Variants in RBFOX1 observed in about 807,000 individuals in gnomAD.
The protein encoded by RBFOX1 is RNA binding protein fox-1 homolog 1.
RBFOX1 carries 8 observed loss-of-function variants against 57.7 expected under a neutral mutation model. The ratio of observed to expected loss-of-function variants is 0.14; its 90% CI spans 0.08 to 0.25. RBFOX1 has a LOEUF of 0.25. Among genes scored for constraint, RBFOX1 ranks in the 10% least tolerant of loss-of-function variants. RBFOX1 has a pLI of 1.00. For missense variants in RBFOX1, 611 were observed against 548.5 expected (o/e 1.11, Z -1.14); for synonymous variants, 326 against 222.4 (o/e 1.47, Z -4.15).
intron 4 of RBFOX1, among the ~76,000 whole-genome samples, chr16:7,506,664 A>G (rs533899726): frequency 2.6e-4 from 40 of 152,282 alleles, no homozygotes; most frequent in South Asian, 1.7e-3. Flanking sequence ...GAATTCTTCA[A>G]TAAGACTCAT....
At chr16:6,938,855 C>T (rs934178551) in intron 3 of RBFOX1, among the ~76,000 whole-genome samples, 1 of 152,128 alleles carries the variant, frequency 6.6e-6, no homozygotes, top group African/African-American at 2.4e-5. Flanking sequence ...TCACTTGAAC[C>T]TGAGAGGCAG....
chr16:5,324,355 C>T (rs1201254580), intron 1 of RBFOX1, among the ~76,000 whole-genome samples: 1 of 152,126 alleles, frequency 6.6e-6, no homozygotes, highest in African/African-American at 2.4e-5. Flanking sequence ...CCCAGCTACT[C>T]AGGAGGCTGA....
intron 4 of RBFOX1, chr16:7,510,234 T>G (rs1367259545): frequency 3.0e-6 from 3 of 985,880 alleles, no homozygotes; most frequent in Non-Finnish European, 3.6e-6. Context: ...GAGGCGTGCT[T>G]GGGGCAGATG....
intron 3 of RBFOX1, among the ~76,000 whole-genome samples, chr16:5,643,815 C>T (rs2048959891): frequency 6.6e-6 from 1 of 152,158 alleles, no homozygotes; most frequent in Non-Finnish European, 1.5e-5. Flanking sequence ...ACAAGCTAAG[C>T]CAATAATGTG....
intron 3 of RBFOX1, among the ~76,000 whole-genome samples, chr16:6,893,955 A>T (rs1036707056): frequency 6.6e-6 from 1 of 152,210 alleles, no homozygotes; most frequent in African/African-American, 2.4e-5. Context: ...CATGATAATT[A>T]ACCAAGTGCT....
At position 6,747,441 on chromosome 16, in the gene RBFOX1, A is replaced by T. The variant is rs1042884932; in HGVS notation, c.-16+92791A>T. ...AAAAAAATCTATCAGTCAGTCAGTC[A>T]GTTAGTCTGTCTGTCTGTCTGTCTG... On this transcript the variant is annotated intron_variant, in intron 3 of 15. Transcript: ENST00000550418. Among the ~76,000 whole-genome samples the T allele has an allele frequency of 5.0e-5, 5 of 100,938 alleles. No homozygotes were observed. The East Asian group carries it at 9.4e-4, about 19-fold the overall frequency. The allele number at this position is 100,938 out of a possible 152,430, so 66.2% of individuals were successfully genotyped here.
intron 4 of RBFOX1, among the ~76,000 whole-genome samples, chr16:7,393,537 G>A (rs551455604): frequency 1.6e-4 from 24 of 152,258 alleles, no homozygotes; most frequent in African/African-American, 5.8e-4. Flanking sequence ...GGGTGCAAGT[G>A]GTGAATTGAA....
intron 3 of RBFOX1, among the ~76,000 whole-genome samples, chr16:6,888,546 T>C (rs938962437): frequency 6.6e-6 from 1 of 152,152 alleles, no homozygotes; most frequent in Admixed American, 6.5e-5. Context: ...ACATTGTTTT[T>C]ACTTGCTGTT....
chr16:6,636,430 A>G (rs1353012523), intron 2 of RBFOX1, among the ~76,000 whole-genome samples: 1 of 152,080 alleles, frequency 6.6e-6, no homozygotes, highest in Non-Finnish European at 1.5e-5. Context: ...TCGGCCTCCC[A>G]AAGTGCTGGG....
At chr16:5,538,981 G>C (rs1369596027) in intron 2 of RBFOX1, among the ~76,000 whole-genome samples, 5 of 152,126 alleles carry the variant, frequency 3.3e-5, no homozygotes, top group African/African-American at 9.7e-5. Flanking sequence ...ACCCATAGCA[G>C]CACGGCTCCC....
At chr16:6,459,876 T>C (rs1364282813) in intron 2 of RBFOX1, among the ~76,000 whole-genome samples, 2 of 150,772 alleles carry the variant, frequency 1.3e-5, no homozygotes, top group Non-Finnish European at 3.0e-5. Context: ...CCCAGCTACT[T>C]GGGAGGCTGA....
At chr16:5,692,012 C>T (rs2050695013) in intron 3 of RBFOX1, among the ~76,000 whole-genome samples, 1 of 52,574 alleles carries the variant, frequency 1.9e-5, no homozygotes, top group Non-Finnish European at 4.8e-5. Context: ...CATTTGGTAA[C>T]TCTTTTTTTA....
At chr16:6,572,820 C>A (rs975617299) in intron 2 of RBFOX1, among the ~76,000 whole-genome samples, 5 of 152,106 alleles carry the variant, frequency 3.3e-5, no homozygotes, top group African/African-American at 1.2e-4. Flanking sequence ...CCTCGAACTC[C>A]TGACCTCAAG....
chr16:5,696,790 G>T (rs2050858675), intron 3 of RBFOX1, among the ~76,000 whole-genome samples: 1 of 152,038 alleles, frequency 6.6e-6, no homozygotes, highest in Non-Finnish European at 1.5e-5. Context: ...CTTCATGTCT[G>T]TCTATAATCT....
At chr16:5,342,081 A>G (rs892527017) in intron 1 of RBFOX1, among the ~76,000 whole-genome samples, 2 of 152,156 alleles carry the variant, frequency 1.3e-5, no homozygotes, top group African/African-American at 4.8e-5. Context: ...CTAAATTTTT[A>G]TTTCAGAGTT....
intron 2 of RBFOX1, among the ~76,000 whole-genome samples, chr16:6,476,569 T>A (rs1469331236): frequency 6.6e-6 from 1 of 152,226 alleles, no homozygotes; most frequent in Non-Finnish European, 1.5e-5. Context: ...AAAATAAAAA[T>A]GCCAACAATC....
intron 4 of RBFOX1, among the ~76,000 whole-genome samples, chr16:7,352,531 G>T (rs945874336): frequency 6.6e-6 from 1 of 152,084 alleles, no homozygotes; most frequent in African/African-American, 2.4e-5. Context: ...CTGCTGTTTG[G>T]TCAGTCCTTT....
chr16:6,236,826 A>G (rs1338860718), intron 1 of RBFOX1, among the ~76,000 whole-genome samples: 3 of 152,160 alleles, frequency 2.0e-5, no homozygotes, highest in East Asian at 3.9e-4. Context: ...CGTAAGAGCA[A>G]CTTTACCCAT....
At chr16:6,013,879 G>T (rs984411655) in intron 4 of RBFOX1, among the ~76,000 whole-genome samples, 1 of 149,308 alleles carries the variant, frequency 6.7e-6, no homozygotes, top group Non-Finnish European at 1.5e-5. Context: ...AACAAACACC[G>T]CATGTTTTCA....
Sources: allele counts gnomAD v4.1 joint callset (sites outside exome capture counted in the v4.1 genomes callset), GRCh38; gene constraint gnomAD v4.1.1; transcripts MANE v1.5; gene names NCBI Gene and HGNC (gene_info 2026-07-23, HGNC 2026-07-21).